Variants in EPS15 observed in about 807,000 individuals in gnomAD.
The protein encoded by EPS15 is epidermal growth factor receptor substrate 15.
A neutral mutation model predicts 113.8 loss-of-function variants in EPS15; 72 were observed. The ratio of observed to expected loss-of-function variants is 0.63; its 90% CI spans 0.52 to 0.77. The LOEUF (loss-of-function observed/expected upper bound fraction) is 0.77. Ranked by LOEUF, EPS15 falls within the 30% of genes least tolerant of loss-of-function variation. EPS15 has a pLI of 0.00. For missense variants in EPS15, 1,048 were observed against 1,045.8 expected (o/e 1.00, Z -0.03); for synonymous variants, 344 against 363.4 (o/e 0.95, Z 0.61).
In EPS15 at chr1:51,444,976, G is replaced by A. The variant is rs780044115; in HGVS notation, c.867C>T (p.Ile289=). Reference sequence around the variant, plus strand: ...CAATGCCCTTGATTAACTTCTGACTGATTAAGTGAAAAGCCAAGGCAAACT... The same window carrying A: ...CAATGCCCTTGATTAACTTCTGACTAATTAAGTGAAAAGCCAAGGCAAACT... The part of the protein sequence containing the change: ...KDQFALAFHL[I]SQKLIKGIDP... The change falls in exon 11 of 25, where the codon ATC becomes ATT. Residue 289 remains isoleucine, a synonymous_variant. Coordinates refer to ENST00000371733, the MANE Select transcript of EPS15 (RefSeq NM_001981.3). 3.1e-6 allele frequency: 5 copies of A among 1,613,886 alleles called. No individual in the cohort carries two copies. The highest frequency in any genetic ancestry group is 1.3e-5 in the African/African-American group (1 of 74,914).
chr1:51,456,999 G>C (rs7544990), intron 8 of EPS15, among the ~76,000 whole-genome samples: 4,148 of 152,126 alleles, frequency 0.027, 53 homozygotes, highest in Middle Eastern at 0.058. Context: ...TAGAACATGA[G>C]GGGGGGCCAG....
rs111679404 is a variant in EPS15 at position 51,490,458 on chromosome 1, G to A, written c.34-9144C>T. 4.5e-3 allele frequency: 1,166 copies of A among 259,704 alleles called. 12 individuals carry two copies. The highest frequency in any genetic ancestry group is 0.026 in the African/African-American group (1,106 of 42,366). The allele number at this position is 259,704 out of a possible 1,614,324, so 16.1% of individuals were successfully genotyped here. A position where few individuals can be genotyped will look rare whatever the true frequency, so the allele number is the denominator to read the frequency against. On this transcript the variant is annotated intron_variant, in intron 1 of 24. Coordinates refer to ENST00000371733, the MANE Select transcript of EPS15 (RefSeq NM_001981.3). ...CGGGTGCCTGTAATCCCAGCTACTC[G>A]GGAGGCTGAGGCAGGAGAATCGCTT...
At chr1:51,357,387 AAAAAATATATATATATATATAT>A (rs1278279454) in intron 24 of EPS15, among the ~76,000 whole-genome samples, 3 of 54,954 alleles carry the variant, frequency 5.5e-5, no homozygotes, top group Non-Finnish European at 9.8e-5. Flanking sequence ...AAAAAAAAAA[AAAAAATATATATATATATATAT>A]ATATATATAT....
intron 1 of EPS15, among the ~76,000 whole-genome samples, chr1:51,512,524 G>A (rs35527176): frequency 0.27 from 40,494 of 151,834 alleles, 6,590 homozygotes; most frequent in African/African-American, 0.46. Context: ...TTTTGCAAAG[G>A]ATTTTGCAAA....
At chr1:51,467,858 A>G (rs1654957943) in intron 5 of EPS15, among the ~76,000 whole-genome samples, 1 of 152,206 alleles carries the variant, frequency 6.6e-6, no homozygotes, top group African/African-American at 2.4e-5. Flanking sequence ...AGGTCCATGG[A>G]AAAATTGTCT....
At chr1:51,492,839 G>C (rs993432926) in intron 1 of EPS15, among the ~76,000 whole-genome samples, 2 of 152,314 alleles carry the variant, frequency 1.3e-5, no homozygotes, top group East Asian at 3.9e-4. Flanking sequence ...AGGTTTTAAC[G>C]ACCTGCCTAT....
At chr1:51,398,296 G>A (rs995783630) in intron 20 of EPS15, among the ~76,000 whole-genome samples, 3 of 151,950 alleles carry the variant, frequency 2.0e-5, no homozygotes, top group East Asian at 1.9e-4. Context: ...CTCGTGATCC[G>A]CCCACCTCAG....
intron 1 of EPS15, among the ~76,000 whole-genome samples, chr1:51,501,521 C>T (rs1214927162): frequency 6.6e-6 from 1 of 151,726 alleles, no homozygotes; most frequent in African/African-American, 2.4e-5. Context: ...GCTCTGTCAC[C>T]CAGGCTGGAG....
chr1:51,483,398 A>AGTGTGTGTGTGTGT (rs58892404), intron 1 of EPS15, among the ~76,000 whole-genome samples: 6 of 141,694 alleles, frequency 4.2e-5, no homozygotes, highest in Admixed American at 2.1e-4. Context: ...CAAGACTGCA[A>AGTGTGTGTGTGTGT]GTGTGTGTGT....
chr1:51,462,356 TCCA>T (rs1654519980), intron 7 of EPS15, among the ~76,000 whole-genome samples: 1 of 136,500 alleles, frequency 7.3e-6, no homozygotes, highest in South Asian at 2.3e-4. Flanking sequence ...AATGCTAAAA[TCCA>T]TCTCAAAAAA....
rs1411351320 is a variant in EPS15 at position 51,406,109 on chromosome 1, C to A, written c.1474-1G>T. 1 of 1,611,910 alleles carries A rather than the reference C, an allele frequency of 6.2e-7. No individual in the cohort carries two copies. The highest frequency in any genetic ancestry group is 1.1e-5 in the South Asian group (1 of 90,988). ...TCATTTCCATCAGTTTCATTTGCAT[C>A]TGCCAACACAAAGAAGAAATATAGA... On this transcript the variant is annotated splice_acceptor_variant, in intron 15 of 24. Coordinates refer to ENST00000371733, the MANE Select transcript of EPS15 (RefSeq NM_001981.3). LOFTEE classifies it high-confidence loss of function.
At chr1:51,394,722 T>A (rs1185711074) in intron 20 of EPS15, among the ~76,000 whole-genome samples, 1 of 152,206 alleles carries the variant, frequency 6.6e-6, no homozygotes, top group African/African-American at 2.4e-5. Context: ...AACACTTGTG[T>A]AGTCATCTCC....
At chr1:51,473,027 G>A (rs2148513136) in intron 2 of EPS15, 79 bp from the exon 3 acceptor site, 3 of 1,079,052 alleles carry the variant, frequency 2.8e-6, no homozygotes, top group Non-Finnish European at 4.3e-6. Context: ...TTCCATCCCT[G>A]TGATTTGGGA....
At chr1:51,448,956 G>A (rs764849515) in intron 8 of EPS15, among the ~76,000 whole-genome samples, 2 of 152,098 alleles carry the variant, frequency 1.3e-5, no homozygotes, top group Non-Finnish European at 1.5e-5. Flanking sequence ...TAGAGGTGTC[G>A]CCAGAAGAAT....
chr1:51,366,513 T>C (rs1475099619), intron 21 of EPS15, among the ~76,000 whole-genome samples: 1 of 152,204 alleles, frequency 6.6e-6, no homozygotes, highest in Non-Finnish European at 1.5e-5. Flanking sequence ...TATTCCTTTG[T>C]ATAAATCAAC....
intron 24 of EPS15, among the ~76,000 whole-genome samples, chr1:51,357,391 A>AAAAAAAT (rs1491245303): frequency 1.5e-5 from 1 of 65,720 alleles, no homozygotes; most frequent in Non-Finnish European, 2.6e-5. Context: ...AAAAAAAAAA[A>AAAAAAAT]ATATATATAT....
Position 51,356,667 on chromosome 1 carries a change from T to C in EPS15, c.*33A>G, listed in dbSNP as rs750904999. 2 of 1,599,024 alleles carry C rather than the reference T, an allele frequency of 1.3e-6. No homozygotes were observed. Among genetic ancestry groups the C allele is most frequent in the Admixed American group, 1.7e-5 (1 of 59,196 alleles). On this transcript the variant is annotated 3_prime_UTR_variant, in exon 25 of 25. Transcript: ENST00000371733. The stretch of plus-strand genomic sequence containing the variant: ...TAGTTTCAGTATTCAGGAAGAAGAA[T>C]ACTATATTGTTGCCAAAGAACAAGA...
intron 23 of EPS15, 37 bp from the exon 24 acceptor site, chr1:51,361,392 A>C (rs1401487855): frequency 6.8e-7 from 1 of 1,481,194 alleles, no homozygotes; most frequent in African/African-American, 1.4e-5. Flanking sequence ...CAACCAGTAA[A>C]TACAGCAAAT....
At chr1:51,420,117 T>G (rs978310155) in intron 13 of EPS15, among the ~76,000 whole-genome samples, 32 of 152,252 alleles carry the variant, frequency 2.1e-4, no homozygotes, top group Non-Finnish European at 1.8e-4. Flanking sequence ...CCATTTCGAC[T>G]TCCTGTGCCA....
Sources: allele counts gnomAD v4.1 joint callset (sites outside exome capture counted in the v4.1 genomes callset), GRCh38; gene constraint gnomAD v4.1.1; transcripts MANE v1.5; gene names NCBI Gene and HGNC (gene_info 2026-07-23, HGNC 2026-07-21).